The following PRPF6 variants were observed in gnomAD, a reference collection of about 807,000 sequenced individuals.
PRPF6 encodes the protein pre-mRNA processing factor 6.
Under a neutral mutation model 118.3 loss-of-function variants are expected in PRPF6, and 42 were observed. That is an observed-to-expected ratio of 0.35 (90% confidence interval 0.28 to 0.46). The LOEUF (loss-of-function observed/expected upper bound fraction) is 0.46. PRPF6 is among the 20% of genes least tolerant of loss of function. PRPF6 has a pLI of 1.00. For synonymous variants in PRPF6, 481 were observed against 485.1 expected (o/e 0.99, Z 0.11); for missense variants, 662 against 1,255.7 (o/e 0.53, Z 7.15).
At chr20:64,004,974 T>G (rs967345448) in intron 9 of PRPF6, among the ~76,000 whole-genome samples, 2 of 152,274 alleles carry the variant, frequency 1.3e-5, no homozygotes, top group African/African-American at 2.4e-5. Flanking sequence ...AGGTTGAGGG[T>G]CTTCCCTGCA....
intron 11 of PRPF6, among the ~76,000 whole-genome samples, chr20:64,015,748 C>T (rs2059234083): frequency 6.6e-6 from 1 of 152,218 alleles, no homozygotes; most frequent in South Asian, 2.1e-4. Context: ...CCCCCTTCAC[C>T]AAGTGAGCCA....
chr20:64,008,583 G>C (rs1276212261), intron 9 of PRPF6, among the ~76,000 whole-genome samples: 1 of 152,168 alleles, frequency 6.6e-6, no homozygotes, highest in Admixed American at 6.5e-5. Context: ...GCCCGCATCT[G>C]TTCCTTCATT....
chr20:63,983,466 G>A (rs1176920564), intron 2 of PRPF6, among the ~76,000 whole-genome samples: 1 of 149,614 alleles, frequency 6.7e-6, no homozygotes, highest in African/African-American at 2.5e-5. Flanking sequence ...CTATTGCCCA[G>A]TCTTTTTTTT....
chr20:64,020,912 A>G (rs2123077937), intron 12 of PRPF6, among the ~76,000 whole-genome samples: 1 of 151,168 alleles, frequency 6.6e-6, no homozygotes, highest in South Asian at 2.1e-4. Flanking sequence ...TCAGCCTCCC[A>G]AGTAGCTGGG....
intron 11 of PRPF6, among the ~76,000 whole-genome samples, chr20:64,013,234 A>T (rs1351548351): frequency 6.6e-6 from 1 of 152,114 alleles, no homozygotes; most frequent in Non-Finnish European, 1.5e-5. Flanking sequence ...CCTGTCTTTT[A>T]TCTTTGTCTG....
chr20:63,993,185 T>A (rs1351849220), intron 3 of PRPF6, among the ~76,000 whole-genome samples: 1 of 150,296 alleles, frequency 6.7e-6, no homozygotes, highest in Non-Finnish European at 1.5e-5. Flanking sequence ...CACTGCACTT[T>A]AGCCTGGGTG....
intron 2 of PRPF6, among the ~76,000 whole-genome samples, chr20:63,984,422 G>GA (rs35673720): frequency 0.016 from 2,108 of 133,096 alleles, 53 homozygotes; most frequent in African/African-American, 0.05. Flanking sequence ...CTCTGTCTCA[G>GA]AAAAAAAAAA....
intron 11 of PRPF6, among the ~76,000 whole-genome samples, chr20:64,014,747 A>C (rs2059229764): frequency 6.6e-6 from 1 of 152,250 alleles, no homozygotes; most frequent in Non-Finnish European, 1.5e-5. Flanking sequence ...GCCTACGTCA[A>C]ACATGCTCAG....
intron 9 of PRPF6, among the ~76,000 whole-genome samples, chr20:64,009,335 T>G (rs532831824): frequency 6.8e-6 from 1 of 147,794 alleles, no homozygotes; most frequent in African/African-American, 2.5e-5. Flanking sequence ...CATTTTTTCG[T>G]AAATATTTGA....
rs1601532473 is a variant in PRPF6, at chr20:64,026,398, C to T, written c.2028+340C>T. 3.9e-5 allele frequency among the ~76,000 whole-genome samples: 6 copies of T among 152,068 alleles called. No homozygotes were observed. Among genetic ancestry groups the T allele is most frequent in the Admixed American group, 2.6e-4 (4 of 15,268 alleles). Reference sequence around the variant, plus strand: ...GTGCGTGCCTGTAATCCCAGCTGCTCGGGAGGCTGAGGCAGGAGAATCGCT... The same window carrying T: ...GTGCGTGCCTGTAATCCCAGCTGCTTGGGAGGCTGAGGCAGGAGAATCGCT... On this transcript the variant is annotated intron_variant, in intron 15 of 20. Coordinates refer to ENST00000266079, the MANE Select transcript of PRPF6 (RefSeq NM_012469.4). This position sits in a 1 kb window ranked among gnomAD's most constrained non-coding sequence, Gnocchi z 4.4.
chr20:64,026,475 C>T lies in PRPF6; in HGVS notation c.2028+417C>T, dbSNP rs575797482. On this transcript the variant is annotated intron_variant, in intron 15 of 20. Transcript: ENST00000266079. This position sits in a 1 kb window ranked among gnomAD's most constrained non-coding sequence, Gnocchi z 4.4. The stretch of plus-strand genomic sequence containing the variant: ...GAGCTGAGATCGCGCCACTGCACTC[C>T]AGCCTGGGCAGCAAGAGGGAAACTG... Among the ~76,000 whole-genome samples, 12 of 152,006 alleles carry T rather than the reference C, an allele frequency of 7.9e-5. No individual in the cohort carries two copies. The highest frequency in any genetic ancestry group is 2.9e-4 in the African/African-American group (12 of 41,430).
At chr20:64,010,401 A>C (rs1486403341) in intron 10 of PRPF6, 83 bp downstream of exon 10, 1 of 1,152,356 alleles carries the variant, frequency 8.7e-7, no homozygotes, top group African/African-American at 1.5e-5. Flanking sequence ...GTGATGATAC[A>C]AGTGGAGCAT....
intron 9 of PRPF6, among the ~76,000 whole-genome samples, chr20:64,005,634 G>A (rs1569217755): frequency 1.3e-5 from 2 of 152,294 alleles, no homozygotes; most frequent in Non-Finnish European, 2.9e-5. Context: ...CTGGAGAGCA[G>A]TGTTGCAATC....
chr20:63,983,831 T>G (rs2059082097), intron 2 of PRPF6, among the ~76,000 whole-genome samples: 1 of 152,116 alleles, frequency 6.6e-6, no homozygotes. Flanking sequence ...TTTTGTATTT[T>G]TAGTAGAGAC....
At chr20:64,032,480 T>C (rs928808768) in intron 20 of PRPF6, among the ~76,000 whole-genome samples, 40 of 152,176 alleles carry the variant, frequency 2.6e-4, no homozygotes, top group African/African-American at 9.4e-4. Context: ...TGAGCTGTGC[T>C]GGAGGCAGTC....
At chr20:64,031,017 C>T (rs919857103) in intron 19 of PRPF6, among the ~76,000 whole-genome samples, 2 of 152,236 alleles carry the variant, frequency 1.3e-5, no homozygotes, top group Admixed American at 6.5e-5. Context: ...TCTCCAGCAG[C>T]GGGTGGGGGT....
At chr20:64,002,423 C>A (rs2059171771) in intron 9 of PRPF6, among the ~76,000 whole-genome samples, 1 of 151,614 alleles carries the variant, frequency 6.6e-6, no homozygotes, top group East Asian at 1.9e-4. Context: ...GCAGCCTCTG[C>A]CTCCCGGGTT....
At chr20:63,988,650 G>C (rs2059105444) in intron 3 of PRPF6, among the ~76,000 whole-genome samples, 1 of 152,164 alleles carries the variant, frequency 6.6e-6, no homozygotes, top group Non-Finnish European at 1.5e-5. Context: ...GGCTGAGGCA[G>C]GTGGATCACT....
At chr20:64,032,451 G>A (rs12624642) in intron 20 of PRPF6, among the ~76,000 whole-genome samples, 5 of 151,910 alleles carry the variant, frequency 3.3e-5, no homozygotes, top group South Asian at 2.1e-4. Flanking sequence ...CACCCGCCCC[G>A]CTAGAGCCAA....
Sources: allele counts gnomAD v4.1 joint callset (sites outside exome capture counted in the v4.1 genomes callset), GRCh38; gene constraint gnomAD v4.1.1; non-coding constraint Gnocchi (gnomAD v3.1); transcripts MANE v1.5; gene names NCBI Gene and HGNC (gene_info 2026-07-23, HGNC 2026-07-21).